The following HDDC2 variants were observed in gnomAD, a reference collection of about 807,000 sequenced individuals.
HDDC2 encodes the protein 5'-deoxynucleotidase HDDC2.
HDDC2 carries 25 observed loss-of-function variants against 25.5 expected under a neutral mutation model. The observed-to-expected ratio is 0.98, with a 90% CI of 0.72 to 1.37. The LOEUF (loss-of-function observed/expected upper bound fraction) is 1.37. Ranked by LOEUF, HDDC2 falls within the 40% of genes most tolerant of loss-of-function variation. The pLI is 0.00. For synonymous variants in HDDC2, 106 were observed against 89.7 expected (o/e 1.18, Z -1.03); for missense variants, 264 against 253.1 (o/e 1.04, Z -0.29).
chr6:125,291,855 C>T (rs1484284374), intron 4 of HDDC2, among the ~76,000 whole-genome samples: 1 of 152,126 alleles, frequency 6.6e-6, no homozygotes, highest in African/African-American at 2.4e-5. Flanking sequence ...ATGACAGTGC[C>T]ATACAGAATC....
intron 2 of HDDC2, among the ~76,000 whole-genome samples, chr6:125,299,136 G>A (rs1798757094): frequency 6.6e-6 from 1 of 152,166 alleles, no homozygotes; most frequent in African/African-American, 2.4e-5. Flanking sequence ...TGTCATACCA[G>A]CACTTTGGGA....
rs200475742 is a variant in HDDC2 at position 125,300,558 on chromosome 6, A to G, written c.186T>C (p.Asp62=). The stretch of plus-strand genomic sequence containing the variant: ...CTTACCGGTCTTTGTTAAGACGGTC[A>G]TCTTTGATCACCATAGCCATAACTG... ...RMAVMAMVIK[D]DRLNKDRCVR... is the part of the protein sequence containing the mutation. Residue 62 remains aspartate, a synonymous_variant, in exon 2 of 6, where the codon GAT becomes GAC. Coordinates refer to ENST00000398153, the MANE Select transcript of HDDC2 (RefSeq NM_016063.3). 19 of 1,614,050 alleles carry G rather than the reference A, an allele frequency of 1.2e-5. No individual in the cohort carries two copies. Among genetic ancestry groups the G allele is most frequent in the Non-Finnish European group, 1.5e-5 (18 of 1,179,986 alleles).
chr6:125,284,365 A>C lies in HDDC2; in HGVS notation c.379-7125T>G, dbSNP rs572459661. ...GCACAGCAAAAGAAACTATCATCAG[A>C]GTGAACAGGCAACCTACAGAATGGG... On this transcript the variant is annotated intron_variant, in intron 4 of 5. Transcript: ENST00000398153. Among the ~76,000 whole-genome samples the C allele has an allele frequency of 7.9e-5, 12 of 152,350 alleles. No homozygotes were observed. The East Asian group carries it at 2.1e-3, about 27-fold the overall frequency.
chr6:125,292,129 T>C (rs1210890451), intron 4 of HDDC2, among the ~76,000 whole-genome samples: 10 of 152,052 alleles, frequency 6.6e-5, no homozygotes, highest in Admixed American at 6.5e-4. Flanking sequence ...GAAAAGGCTA[T>C]CTATGAATAA....
intron 4 of HDDC2, chr6:125,277,748 A>G (rs1798392461): frequency 6.5e-6 from 1 of 152,860 alleles, no homozygotes; most frequent in Admixed American, 6.5e-5. Context: ...CTTTCCACAT[A>G]GGGTAGATTT....
chr6:125,289,885 T>C (rs1462258777), intron 4 of HDDC2, among the ~76,000 whole-genome samples: 2 of 152,232 alleles, frequency 1.3e-5, no homozygotes, highest in African/African-American at 4.8e-5. Flanking sequence ...GACATTTCTT[T>C]AAGGCAAAAT....
chr6:125,296,058 T>C (rs1001108811), intron 3 of HDDC2, among the ~76,000 whole-genome samples: 26 of 152,028 alleles, frequency 1.7e-4, no homozygotes, highest in African/African-American at 6.0e-4. Flanking sequence ...TTATCAAGTA[T>C]AGTTGGTCCT....
At chr6:125,277,573 A>G (rs188779072) in intron 4 of HDDC2, 1 of 208,728 alleles carries the variant, frequency 4.8e-6, no homozygotes, top group East Asian at 1.1e-4. Context: ...TAATCTACCT[A>G]AGTAGTTTAG....
At chr6:125,300,067 T>C (rs912382259) in intron 2 of HDDC2, among the ~76,000 whole-genome samples, 2 of 152,240 alleles carry the variant, frequency 1.3e-5, no homozygotes, top group Admixed American at 6.5e-5. Flanking sequence ...CTCTCTTACA[T>C]GCTAGTAAAC....
intron 4 of HDDC2, 85 bp from the exon 5 acceptor site, chr6:125,277,325 C>T: frequency 7.9e-7 from 1 of 1,267,588 alleles, no homozygotes; most frequent in South Asian, 1.3e-5. Context: ...TACCCGAAAT[C>T]AGAGTGACAG....
chr6:125,280,564 C>T (rs1419699957), intron 4 of HDDC2, among the ~76,000 whole-genome samples: 5 of 152,190 alleles, frequency 3.3e-5, no homozygotes, highest in African/African-American at 7.2e-5. Flanking sequence ...GAGGGGCGTC[C>T]GCCATTTCTG....
chr6:125,280,856 T>C (rs1333810252), intron 4 of HDDC2, among the ~76,000 whole-genome samples: 1 of 152,218 alleles, frequency 6.6e-6, no homozygotes, highest in African/African-American at 2.4e-5. Context: ...AGCACAGTGC[T>C]CAAGCTCTGC....
Position 125,300,524 on chromosome 6 carries a change from C to T in HDDC2, c.206+14G>A, listed in dbSNP as rs748380200. On this transcript the variant is annotated intron_variant, in intron 2 of 5. Coordinates refer to ENST00000398153, the MANE Select transcript of HDDC2 (RefSeq NM_016063.3). ...CAGAATCTCTCACGAGCATCAAAGT[C>T]CAGCTCAGCTTACCGGTCTTTGTTA... 1 of 1,611,944 alleles carries T rather than the reference C, an allele frequency of 6.2e-7. No individual in the cohort carries two copies. The highest frequency in any genetic ancestry group is 1.3e-5 in the African/African-American group (1 of 74,844).
At chr6:125,277,028 CTAA>C in intron 5 of HDDC2, 71 bp downstream of exon 5, 2 of 1,481,314 alleles carry the variant, frequency 1.4e-6, no homozygotes, top group Non-Finnish European at 1.9e-6. Flanking sequence ...GTGGGTTTCC[CTAA>C]TATTAACATT....
At chr6:125,296,165 C>T (rs1282498593) in intron 3 of HDDC2, among the ~76,000 whole-genome samples, 1 of 151,728 alleles carries the variant, frequency 6.6e-6, no homozygotes, top group Non-Finnish European at 1.5e-5. Flanking sequence ...ACAGTGTTAT[C>T]AACTATTTAC....
In HDDC2 at chr6:125,292,975, C is replaced by A. The variant is rs1417700; in HGVS notation, c.310-66G>T. On this transcript the variant is annotated intron_variant, in intron 3 of 5. Transcript: ENST00000398153. Reference sequence around the variant, plus strand: ...ATCACAGTTAACAACCACTCTGCAACAGACAAATAGGTTCGGATTCTTACA... The same window carrying A: ...ATCACAGTTAACAACCACTCTGCAAAAGACAAATAGGTTCGGATTCTTACA... 0.17 allele frequency: 215,649 copies of A among 1,253,456 alleles called. 20,711 individuals carry two copies. Among genetic ancestry groups the A allele is most frequent in the African/African-American group, 0.38 (25,699 of 68,350 alleles). The allele number at this position is 1,253,456 out of a possible 1,614,324, so 77.6% of individuals were successfully genotyped here.
chr6:125,284,609 A>G (rs1343683374), intron 4 of HDDC2, among the ~76,000 whole-genome samples: 1 of 152,254 alleles, frequency 6.6e-6, no homozygotes, highest in Non-Finnish European at 1.5e-5. Flanking sequence ...GAAAACCACA[A>G]TGAGATACCA....
At position 125,276,153 on chromosome 6, in the gene HDDC2, T is replaced by G. The variant is rs775436720; in HGVS notation, c.608A>C (p.His203Pro). The change falls in exon 6 of 6, where the codon CAC becomes CCC. Residue 203 changes from histidine (H) to proline (P), a missense_variant. Transcript: ENST00000398153. Reference protein sequence around the residue: ...TNIAAAASEPHS With the variant: ...TNIAAAASEPPS ...AGCAATTTAGAGAGTGTCTCAGGAG[T>G]GTGGCTCACTGGCAGCTGCAGCTAT... is the stretch of plus-strand genomic sequence containing the variant. The G allele has an allele frequency of 2.3e-5, 37 of 1,609,006 alleles. No homozygotes were observed. The South Asian group carries it at 4.0e-4, about 17-fold the overall frequency.
chr6:125,282,944 A>G (rs1798480188), intron 4 of HDDC2, among the ~76,000 whole-genome samples: 1 of 152,240 alleles, frequency 6.6e-6, no homozygotes, highest in East Asian at 1.9e-4. Flanking sequence ...TAAAGGGATG[A>G]ATGCAACAAG....
Sources: gnomAD v4.1 joint callset for allele counts (sites outside exome capture counted in the v4.1 genomes callset) on GRCh38, gnomAD v4.1.1 for gene constraint, MANE v1.5 for transcripts, NCBI Gene and HGNC (gene_info 2026-07-23, HGNC 2026-07-21) for gene names.